The following TAF3 variants were observed in gnomAD, a reference collection of about 807,000 sequenced individuals.
TAF3 encodes the protein TATA-box binding protein associated factor 3, also known as transcription initiation factor TFIID subunit 3.
In TAF3, 7 loss-of-function variants were observed where a neutral mutation model predicts 80.6. The observed-to-expected ratio is 0.09, with a 90% CI of 0.05 to 0.16. TAF3 has a LOEUF of 0.16. TAF3 is among the 10% of genes least tolerant of loss of function. The probability of loss-of-function intolerance (pLI) is 1.00; values close to 1 mark genes in which losing one functional copy is unlikely to be tolerated. For synonymous variants in TAF3, 444 were observed against 446.1 expected, an observed-to-expected ratio of 1.00 and a Z score of 0.06; for missense variants, 921 against 1,140.2, an observed-to-expected ratio of 0.81 and a Z score of 2.77.
intron 2 of TAF3, among the ~76,000 whole-genome samples, chr10:7,922,491 A>T (rs1299351413): frequency 1.3e-5 from 2 of 152,110 alleles, no homozygotes; most frequent in African/African-American, 4.8e-5. Flanking sequence ...TATCTTTTTA[A>T]ATCCCAAGAC....
At chr10:7,985,790 T>C (rs1262359036) in intron 4 of TAF3, among the ~76,000 whole-genome samples, 3 of 149,314 alleles carry the variant, frequency 2.0e-5, no homozygotes, top group Admixed American at 6.7e-5. Context: ...CTTTTTTTTT[T>C]TTTTTTTTTT....
rs535859936 is a variant in TAF3 at position 7,825,713 on chromosome 10, A to G, written c.409+1153A>G. Among the ~76,000 whole-genome samples, 24 of 152,350 alleles carry G rather than the reference A, an allele frequency of 1.6e-4. No individual in the cohort carries two copies. In the East Asian group the frequency reaches 3.7e-3, roughly 23 times the overall value. ...GTGTTTAAGGCAGAATAATATATGTACATTCCACATTTGTTTATCCATTCA... is the reference window on the plus strand; with the variant it reads ...GTGTTTAAGGCAGAATAATATATGTGCATTCCACATTTGTTTATCCATTCA... On this transcript the variant is annotated intron_variant, in intron 2 of 6. Transcript: ENST00000344293.
chr10:7,947,374 T>C (rs1279542283), intron 2 of TAF3, among the ~76,000 whole-genome samples: 1 of 120,170 alleles, frequency 8.3e-6, no homozygotes, highest in East Asian at 3.0e-4. Flanking sequence ...GGGAATAGTC[T>C]AAAAGGTGTA....
chr10:7,919,080 C>T (rs1837739426), intron 2 of TAF3, among the ~76,000 whole-genome samples: 1 of 151,994 alleles, frequency 6.6e-6, no homozygotes, highest in Non-Finnish European at 1.5e-5. Flanking sequence ...TTGCTAATGA[C>T]AGATTGTGCA....
At chr10:7,906,157 C>CT (rs1449636278) in intron 2 of TAF3, among the ~76,000 whole-genome samples, 1 of 152,210 alleles carries the variant, frequency 6.6e-6, no homozygotes, top group Non-Finnish European at 1.5e-5. Flanking sequence ...TCCAATTCCT[C>CT]TTTCTCCTCC....
chr10:7,859,027 C>A (rs1438365869), intron 2 of TAF3, among the ~76,000 whole-genome samples: 1 of 152,142 alleles, frequency 6.6e-6, no homozygotes, highest in Non-Finnish European at 1.5e-5. Context: ...CTTTGGGAGG[C>A]TGAGGCGGGC....
At chr10:7,892,467 C>G (rs752316652) in intron 2 of TAF3, among the ~76,000 whole-genome samples, 6 of 152,142 alleles carry the variant, frequency 3.9e-5, no homozygotes, top group Non-Finnish European at 7.3e-5. Flanking sequence ...TGAAAACTTG[C>G]TGGGTTGCTC....
At chr10:7,956,595 T>C (rs925927373) in intron 2 of TAF3, among the ~76,000 whole-genome samples, 4 of 152,360 alleles carry the variant, frequency 2.6e-5, no homozygotes, top group South Asian at 2.1e-4. Context: ...TCCCTATTTT[T>C]GTATACATTA....
intron 1 of TAF3, among the ~76,000 whole-genome samples, chr10:7,819,617 G>A (rs1464582375): frequency 6.6e-6 from 1 of 151,894 alleles, no homozygotes; most frequent in Non-Finnish European, 1.5e-5. Context: ...TATAGCTAGT[G>A]GTATTTAATA....
intron 2 of TAF3, among the ~76,000 whole-genome samples, chr10:7,883,832 A>G (rs1472217772): frequency 3.9e-5 from 6 of 152,202 alleles, no homozygotes; most frequent in African/African-American, 1.4e-4. Flanking sequence ...AAAGGAATTT[A>G]TCTCTTATGG....
Position 7,907,960 on chromosome 10 carries a change from A to T in TAF3, c.410-55960A>T, listed in dbSNP as rs186894785. ...AATCTGGAGCGGCAGCAGCAGGAATAGAAAGAAGAGGCTCAGTTCAGGAGA... is the reference window on the plus strand; with the variant it reads ...AATCTGGAGCGGCAGCAGCAGGAATTGAAAGAAGAGGCTCAGTTCAGGAGA... On this transcript the variant is annotated intron_variant, in intron 2 of 6. Coordinates refer to ENST00000344293, the MANE Select transcript of TAF3 (RefSeq NM_031923.4). Among the ~76,000 whole-genome samples the T allele has an allele frequency of 2.3e-3, 355 of 152,342 alleles. 1 individual carries two copies. In the Middle Eastern group the frequency reaches 0.024, roughly 10 times the overall value.
At chr10:7,840,087 A>AT (rs201092119) in intron 2 of TAF3, among the ~76,000 whole-genome samples, 6 of 150,886 alleles carry the variant, frequency 4.0e-5, no homozygotes, top group South Asian at 2.1e-4. Context: ...GGATTGAAAA[A>AT]TTTTTTTTTT....
At chr10:7,827,939 G>A (rs903510961) in intron 2 of TAF3, among the ~76,000 whole-genome samples, 1 of 152,126 alleles carries the variant, frequency 6.6e-6, no homozygotes, top group Non-Finnish European at 1.5e-5. Flanking sequence ...CTGAGTGACA[G>A]CGAGACCCTG....
chr10:7,838,125 G>A (rs755824688), intron 2 of TAF3, among the ~76,000 whole-genome samples: 133 of 152,276 alleles, frequency 8.7e-4, no homozygotes, highest in Non-Finnish European at 1.5e-3. Context: ...AACCTGCCTC[G>A]TGTTGCATTG....
chr10:7,877,913 C>T (rs780522525), intron 2 of TAF3, among the ~76,000 whole-genome samples: 8 of 152,122 alleles, frequency 5.3e-5, no homozygotes, highest in East Asian at 1.9e-4. Flanking sequence ...TATACTGTAA[C>T]GGCAATTCAG....
chr10:7,987,831 A>G (rs1831793203), intron 4 of TAF3, among the ~76,000 whole-genome samples: 1 of 152,116 alleles, frequency 6.6e-6, no homozygotes, highest in Admixed American at 6.5e-5. Context: ...GGGGGAAGCT[A>G]TTGGTTGAAG....
intron 2 of TAF3, among the ~76,000 whole-genome samples, chr10:7,883,768 AT>A (rs1178954494): frequency 6.6e-6 from 1 of 152,190 alleles, no homozygotes; most frequent in African/African-American, 2.4e-5. Flanking sequence ...TACTCAGTAT[AT>A]TATACTCTTA....
intron 2 of TAF3, among the ~76,000 whole-genome samples, chr10:7,897,053 G>A (rs1262678363): frequency 6.6e-6 from 1 of 152,172 alleles, no homozygotes; most frequent in Non-Finnish European, 1.5e-5. Flanking sequence ...AGCCAGCAGT[G>A]ACTTGTCAAA....
chr10:7,918,746 C>G (rs1027149324), intron 2 of TAF3, among the ~76,000 whole-genome samples: 7 of 152,284 alleles, frequency 4.6e-5, no homozygotes, highest in African/African-American at 1.4e-4. Context: ...ATATTTCTAT[C>G]TGTTACCTGG....
Sources: gnomAD v4.1 joint callset for allele counts (sites outside exome capture counted in the v4.1 genomes callset) on GRCh38, gnomAD v4.1.1 for gene constraint, MANE v1.5 for transcripts, NCBI Gene and HGNC (gene_info 2026-07-23, HGNC 2026-07-21) for gene names.